Variants in EYS observed in about 807,000 individuals in gnomAD.
The protein encoded by EYS is protein eyes shut homolog.
EYS carries 250 observed loss-of-function variants against 282.1 expected under a neutral mutation model. That is an observed-to-expected ratio of 0.89 (90% CI 0.80 to 0.98). The LOEUF (loss-of-function observed/expected upper bound fraction) is 0.98, where lower values mean the gene tolerates loss of function less well. Ranked by LOEUF, EYS falls within the 50% of genes least tolerant of loss-of-function variation. The pLI is 0.00. For missense variants in EYS, 4,016 were observed against 3,709.0 expected (o/e 1.08, Z -2.15); for synonymous variants, 1,355 against 1,282.9 (o/e 1.06, Z -1.20).
intron 2 of EYS, among the ~76,000 whole-genome samples, chr6:65,565,672 A>G (rs1005360411): frequency 1.3e-5 from 2 of 152,132 alleles, no homozygotes; most frequent in Non-Finnish European, 2.9e-5. Context: ...GGCACTGTTC[A>G]CAATAGCAAA....
chr6:65,234,539 A>G (rs1052603542), intron 12 of EYS, among the ~76,000 whole-genome samples: 7 of 152,200 alleles, frequency 4.6e-5, no homozygotes, highest in South Asian at 4.1e-4. Flanking sequence ...CTACAGCATT[A>G]AAACACATTT....
At chr6:65,697,099 G>C (rs1769482705) in intron 1 of EYS, among the ~76,000 whole-genome samples, 1 of 151,960 alleles carries the variant, frequency 6.6e-6, no homozygotes. Flanking sequence ...TTGTGTGTGT[G>C]TGTACACATA....
intron 2 of EYS, among the ~76,000 whole-genome samples, chr6:65,500,603 A>G (rs1052683700): frequency 9.9e-5 from 15 of 152,008 alleles, no homozygotes; most frequent in African/African-American, 3.6e-4. Flanking sequence ...AAATAGAGTT[A>G]AAATCTCATT....
At chr6:65,500,464 G>A (rs1290033576) in intron 2 of EYS, among the ~76,000 whole-genome samples, 1 of 151,896 alleles carries the variant, frequency 6.6e-6, no homozygotes, top group Non-Finnish European at 1.5e-5. Context: ...TCAGTAACTG[G>A]TCAGTTGATG....
At chr6:65,547,782 T>TA (rs1433947293) in intron 2 of EYS, among the ~76,000 whole-genome samples, 2 of 152,218 alleles carry the variant, frequency 1.3e-5, no homozygotes, top group African/African-American at 4.8e-5. Context: ...TTGGTTATAG[T>TA]GACAATGTTG....
At chr6:65,149,221 T>C (rs978715189) in intron 12 of EYS, among the ~76,000 whole-genome samples, 2 of 152,132 alleles carry the variant, frequency 1.3e-5, no homozygotes, top group African/African-American at 4.8e-5. Context: ...TTCTAAATTT[T>C]TATGCTCTGC....
chr6:64,399,260 T>G (rs1773473638), intron 28 of EYS, among the ~76,000 whole-genome samples: 1 of 151,714 alleles, frequency 6.6e-6, no homozygotes, highest in African/African-American at 2.4e-5. Context: ...ACAAGCAATA[T>G]AAGCTCATTA....
At chr6:64,018,830 A>G (rs1769031373) in intron 33 of EYS, among the ~76,000 whole-genome samples, 1 of 126,500 alleles carries the variant, frequency 7.9e-6, no homozygotes, top group Non-Finnish European at 1.5e-5. Context: ...GCTGGAGTGC[A>G]ATGGCACAGT....
intron 31 of EYS, among the ~76,000 whole-genome samples, chr6:64,148,775 A>G (rs1009982545): frequency 2.0e-5 from 3 of 152,290 alleles, no homozygotes; most frequent in South Asian, 4.1e-4. Flanking sequence ...ATAGTGATCC[A>G]GTTGGATGAG....
chr6:65,512,416 G>C (rs1267163763), intron 2 of EYS, among the ~76,000 whole-genome samples: 2 of 150,144 alleles, frequency 1.3e-5, no homozygotes, highest in Non-Finnish European at 3.0e-5. Flanking sequence ...ATGAACCCGG[G>C]AGGCGGAGCT....
chr6:65,225,809 GA>G (rs1766610490), intron 12 of EYS, among the ~76,000 whole-genome samples: 1 of 149,728 alleles, frequency 6.7e-6, no homozygotes, highest in African/African-American at 2.4e-5. Flanking sequence ...AATTGATGAA[GA>G]AAAAAATAAG....
intron 26 of EYS, among the ~76,000 whole-genome samples, chr6:64,469,706 T>A (rs1019013244): frequency 1.3e-5 from 2 of 150,968 alleles, no homozygotes; most frequent in African/African-American, 4.9e-5. Context: ...GGAAAGGGAG[T>A]CTCCCTTTCC....
intron 32 of EYS, among the ~76,000 whole-genome samples, chr6:64,077,991 C>T (rs750033323): frequency 3.3e-5 from 5 of 152,018 alleles, no homozygotes; most frequent in African/African-American, 9.6e-5. Flanking sequence ...GGATTTTTAC[C>T]GTAACCCCGT....
intron 28 of EYS, among the ~76,000 whole-genome samples, chr6:64,393,226 T>C (rs1773222268): frequency 6.6e-6 from 1 of 152,160 alleles, no homozygotes; most frequent in African/African-American, 2.4e-5. Flanking sequence ...GTACCATTCC[T>C]TCTGAAACCA....
chr6:64,972,436 A>G (rs1770326740), intron 14 of EYS, among the ~76,000 whole-genome samples: 1 of 151,584 alleles, frequency 6.6e-6, no homozygotes, highest in Admixed American at 6.6e-5. Flanking sequence ...CTCTCCTTCC[A>G]CCTCTTCCAC....
At chr6:65,573,744 G>T (rs1274053876) in intron 2 of EYS, among the ~76,000 whole-genome samples, 1 of 152,138 alleles carries the variant, frequency 6.6e-6, no homozygotes, top group Non-Finnish European at 1.5e-5. Flanking sequence ...ATATGCCCAT[G>T]CTTTGAACAT....
rs58326040 is a variant in EYS at position 65,506,460 on chromosome 6, C to CTTTTTTTTTTTTTTTTTTTTTTTTTTT, written c.-332-10494_-332-10468dup. Among the ~76,000 whole-genome samples the CTTTTTTTTTTTTTTTTTTTTTTTTTTT allele has an allele frequency of 9.2e-5, 6 of 64,892 alleles. 1 individual carries two copies. Among genetic ancestry groups the CTTTTTTTTTTTTTTTTTTTTTTTTTTT allele is most frequent in the African/African-American group, 1.2e-4 (2 of 16,410 alleles). The allele number at this position is 64,892 out of a possible 152,430, so 42.6% of individuals were successfully genotyped here. On this transcript the variant is annotated intron_variant, in intron 2 of 42. Transcript: ENST00000503581. ...GGTTTACAATATCCTTCCTTCCTTT[C>CTTTTTTTTTTTTTTTTTTTTTTTTTTT]TTTTTTTTTTTTTTTTTTTTTTTTT...
At chr6:65,445,345 G>T (rs944082938) in intron 5 of EYS, among the ~76,000 whole-genome samples, 2 of 151,744 alleles carry the variant, frequency 1.3e-5, no homozygotes, top group Non-Finnish European at 2.9e-5. Context: ...TAATTTATTA[G>T]GGAAGTATAA....
intron 31 of EYS, among the ~76,000 whole-genome samples, chr6:64,190,149 A>G (rs1225090802): frequency 6.6e-6 from 1 of 152,202 alleles, no homozygotes; most frequent in Admixed American, 6.5e-5. Context: ...ATAAGTAAGC[A>G]GGTGTGCTGA....
Sources: allele counts gnomAD v4.1 joint callset (sites outside exome capture counted in the v4.1 genomes callset), GRCh38; gene constraint gnomAD v4.1.1; transcripts MANE v1.5; gene names NCBI Gene and HGNC (gene_info 2026-07-23, HGNC 2026-07-21).